The following FRYL variants were observed in gnomAD, a reference collection of about 807,000 sequenced individuals.
FRYL encodes protein furry homolog-like.
A neutral mutation model predicts 351.2 loss-of-function variants in FRYL; 150 were observed. The ratio of observed to expected loss-of-function variants is 0.43; its 90% CI spans 0.37 to 0.49. The LOEUF (loss-of-function observed/expected upper bound fraction) is 0.49, where lower values mean the gene tolerates loss of function less well. FRYL is among the 20% of genes least tolerant of loss of function. The probability of loss-of-function intolerance (pLI) is 0.00; values close to 1 mark genes in which losing one functional copy is unlikely to be tolerated. For synonymous variants in FRYL, 1,153 were observed against 1,257.1 expected, an observed-to-expected ratio of 0.92 and a Z score of 1.75; for missense variants, 3,036 against 3,619.3, an observed-to-expected ratio of 0.84 and a Z score of 4.13.
At chr4:48,753,234 A>T (rs1469939918) in intron 1 of FRYL, among the ~76,000 whole-genome samples, 1 of 152,178 alleles carries the variant, frequency 6.6e-6, no homozygotes, top group Admixed American at 6.5e-5. Flanking sequence ...GTATTTACAT[A>T]AAAAATTTAG....
chr4:48,586,615 A>T lies in FRYL; in HGVS notation c.1748+6T>A. 1 of 1,581,580 alleles carries T rather than the reference A, an allele frequency of 6.3e-7. No individual in the cohort carries two copies. The highest frequency in any genetic ancestry group is 8.7e-7 in the Non-Finnish European group (1 of 1,151,068). On this transcript the variant is annotated splice_donor_region_variant and intron_variant, in intron 19 of 63. Transcript: ENST00000358350. Reference sequence around the variant, plus strand: ...AACAATATAGCAAACAGTAATTCTCATTTACCTTGCTAACAATTCAATCAG... The same window carrying T: ...AACAATATAGCAAACAGTAATTCTCTTTTACCTTGCTAACAATTCAATCAG...
At chr4:48,505,678 C>T in intron 59 of FRYL, 63 bp from the exon 60 acceptor site, 1 of 962,866 alleles carries the variant, frequency 1.0e-6, no homozygotes, top group South Asian at 1.5e-5. Context: ...ACAGCCTGTC[C>T]ATATACAACA....
rs1229526167 is a variant in FRYL, at chr4:48,761,147, T to C, written c.-384+18931A>G. Among the ~76,000 whole-genome samples, 3 of 152,130 alleles carry C rather than the reference T, an allele frequency of 2.0e-5. No individual in the cohort carries two copies. The East Asian group carries it at 5.8e-4, about 29-fold the overall frequency. ...TCTCCTTATATTTGAGATCCCTGTATATAATTTTGTTTGAAAAAAATAATT... is the reference window on the plus strand; with the variant it reads ...TCTCCTTATATTTGAGATCCCTGTACATAATTTTGTTTGAAAAAAATAATT... On this transcript the variant is annotated intron_variant, in intron 1 of 63. Coordinates refer to ENST00000358350, the MANE Select transcript of FRYL (RefSeq NM_015030.2).
chr4:48,525,790 C>T (rs1213883770), intron 53 of FRYL, among the ~76,000 whole-genome samples: 1 of 144,320 alleles, frequency 6.9e-6, no homozygotes, highest in Non-Finnish European at 1.5e-5. Flanking sequence ...TATATGTATA[C>T]GAGAGCTGAT....
chr4:48,656,127 A>G (rs537890468), intron 3 of FRYL, among the ~76,000 whole-genome samples: 79 of 135,466 alleles, frequency 5.8e-4, no homozygotes, highest in African/African-American at 1.8e-3. Flanking sequence ...CATAAATAAT[A>G]TATACAATAT....
chr4:48,531,110 T>C, intron 50 of FRYL, 46 bp downstream of exon 50: 1 of 1,191,770 alleles, frequency 8.4e-7, no homozygotes, highest in African/African-American at 1.5e-5. Flanking sequence ...AATAAACAAA[T>C]GAAAATTCCT....
chr4:48,694,544 G>A (rs1475969501), intron 2 of FRYL, among the ~76,000 whole-genome samples: 1 of 151,970 alleles, frequency 6.6e-6, no homozygotes, highest in African/African-American at 2.4e-5. Flanking sequence ...TGATCCACTT[G>A]CCTCGGCCTC....
At position 48,636,105 on chromosome 4, in the gene FRYL, C is replaced by T. The variant is rs190097238; in HGVS notation, c.-80-1615G>A. 1.5e-3 allele frequency among the ~76,000 whole-genome samples: 228 copies of T among 152,114 alleles called. 1 individual carries two copies. Among genetic ancestry groups the T allele is most frequent in the Admixed American group, 2.6e-3 (39 of 15,268 alleles). On this transcript the variant is annotated intron_variant, in intron 3 of 63. Transcript: ENST00000358350. The stretch of plus-strand genomic sequence containing the variant: ...ATACATTATGTACTGTATTCTAGAA[C>T]GAAAATTATATAACTCAAAACAAAA...
intron 1 of FRYL, among the ~76,000 whole-genome samples, chr4:48,736,248 C>T (rs1771387179): frequency 1.3e-5 from 2 of 151,938 alleles, no homozygotes; most frequent in Non-Finnish European, 2.9e-5. Flanking sequence ...GCCTTAAATA[C>T]ATACATAGAA....
intron 3 of FRYL, among the ~76,000 whole-genome samples, chr4:48,652,526 A>G (rs1018996050): frequency 1.3e-5 from 2 of 152,234 alleles, no homozygotes; most frequent in Non-Finnish European, 2.9e-5. Context: ...TCCTAGAACT[A>G]AGATAATTTT....
chr4:48,709,150 G>T (rs1652472339), intron 2 of FRYL, among the ~76,000 whole-genome samples: 1 of 151,738 alleles, frequency 6.6e-6, no homozygotes, highest in African/African-American at 2.4e-5. Context: ...TCGATCTCCT[G>T]ACCTCGTGAT....
intron 13 of FRYL, among the ~76,000 whole-genome samples, chr4:48,599,571 T>G (rs956117001): frequency 1.3e-5 from 2 of 152,138 alleles, no homozygotes; most frequent in Non-Finnish European, 2.9e-5. Context: ...CTAACATGTT[T>G]TCTTAAAATA....
chr4:48,691,279 G>A (rs947502796), intron 2 of FRYL, among the ~76,000 whole-genome samples: 8 of 151,888 alleles, frequency 5.3e-5, no homozygotes, highest in Non-Finnish European at 8.8e-5. Context: ...TTGCAAAGAC[G>A]TTCATTGTAC....
chr4:48,576,086 A>C lies in FRYL; in HGVS notation c.2665T>G (p.Ser889Ala), dbSNP rs540773268. Reference sequence around the variant, plus strand: ...GTAGACGCCAGCGTCTCAGGAGGAGAACATCTCACAGAACCTGCAGATGTG... The same window carrying C: ...GTAGACGCCAGCGTCTCAGGAGGAGCACATCTCACAGAACCTGCAGATGTG... ...SSTSAGSVRC[S>A]PPETLASTPD... The change falls in exon 24 of 64, where the codon TCT becomes GCT. Residue 889 changes from serine to alanine, a missense_variant. Physicochemically the swap from Ser to Ala is moderately conservative, Grantham distance 99 (BLOSUM62 1). Coordinates refer to ENST00000358350, the MANE Select transcript of FRYL (RefSeq NM_015030.2). 8.6e-5 allele frequency: 138 copies of C among 1,613,800 alleles called. No homozygotes were observed. The highest frequency in any genetic ancestry group is 1.7e-4 in the Admixed American group (10 of 59,974).
At chr4:48,675,082 G>A (rs954879338) in intron 3 of FRYL, among the ~76,000 whole-genome samples, 9 of 152,072 alleles carry the variant, frequency 5.9e-5, no homozygotes, top group African/African-American at 2.2e-4. Flanking sequence ...GAGTCTCGCT[G>A]TGCAGCCCAG....
At chr4:48,692,024 A>G (rs1284357436) in intron 2 of FRYL, among the ~76,000 whole-genome samples, 1 of 152,234 alleles carries the variant, frequency 6.6e-6, no homozygotes, top group African/African-American at 2.4e-5. Flanking sequence ...AGAAGAAAAT[A>G]AAGACTAGAA....
intron 3 of FRYL, chr4:48,653,600 C>T: frequency 5.2e-6 from 3 of 577,780 alleles, no homozygotes; most frequent in South Asian, 2.0e-5. Context: ...ATTCTTCATG[C>T]TATTTTCAAC....
At chr4:48,651,289 CTGTGTGTGTGTGTGTGTGTGTGTGTGTG>C (rs59845967) in intron 3 of FRYL, among the ~76,000 whole-genome samples, 4 of 62,408 alleles carry the variant, frequency 6.4e-5, no homozygotes, top group East Asian at 4.8e-4. Flanking sequence ...CAGGATCTCA[CTGTGTGTGTGTGTGTGTGTGTGTGTGTG>C]TGTGTGTGTG....
chr4:48,656,371 A>C (rs1182681178), intron 3 of FRYL, among the ~76,000 whole-genome samples: 10 of 133,118 alleles, frequency 7.5e-5, no homozygotes, highest in African/African-American at 2.7e-4. Flanking sequence ...TATATAATAT[A>C]TACTAAATAT....
Sources: gnomAD v4.1 joint callset for allele counts (sites outside exome capture counted in the v4.1 genomes callset) on GRCh38, gnomAD v4.1.1 for gene constraint, MANE v1.5 for transcripts, NCBI Gene and HGNC (gene_info 2026-07-23, HGNC 2026-07-21) for gene names.